The following CACNA2D3 variants were observed in gnomAD, a reference collection of about 807,000 sequenced individuals.
CACNA2D3 encodes calcium voltage-gated channel auxiliary subunit alpha2delta 3.
Under a neutral mutation model 160.6 loss-of-function variants are expected in CACNA2D3, and 60 were observed. That is an observed-to-expected ratio of 0.37 (90% confidence interval 0.30 to 0.46). The LOEUF is 0.46. Ranked by LOEUF, CACNA2D3 falls within the 20% of genes least tolerant of loss-of-function variation. CACNA2D3 has a pLI of 1.00. For synonymous variants in CACNA2D3, 558 were observed against 492.9 expected (o/e 1.13, Z -1.75); for missense variants, 1,205 against 1,365.0 (o/e 0.88, Z 1.85).
intron 11 of CACNA2D3, among the ~76,000 whole-genome samples, chr3:54,752,229 T>G (rs1185990807): frequency 6.6e-6 from 1 of 152,188 alleles, no homozygotes; most frequent in African/African-American, 2.4e-5. Context: ...AAGAGCACAC[T>G]CTGCATTTCC....
chr3:54,442,149 T>TA (rs1700155366), intron 4 of CACNA2D3, among the ~76,000 whole-genome samples: 1 of 152,146 alleles, frequency 6.6e-6, no homozygotes, highest in East Asian at 1.9e-4. Flanking sequence ...GTAGTGGCTA[T>TA]ATCTAGTGGT....
At chr3:54,818,990 G>C (rs895861211) in intron 14 of CACNA2D3, among the ~76,000 whole-genome samples, 5 of 152,082 alleles carry the variant, frequency 3.3e-5, no homozygotes, top group Non-Finnish European at 5.9e-5. Flanking sequence ...TAGATTGAAG[G>C]CATCCTCCCA....
chr3:54,197,487 T>C (rs1481840688), intron 2 of CACNA2D3: 1 of 152,276 alleles, frequency 6.6e-6, no homozygotes. Flanking sequence ...GGCATCTTTA[T>C]AGTAGCAGAA....
chr3:54,899,311 GGCTC>G (rs1700272259), intron 26 of CACNA2D3, among the ~76,000 whole-genome samples: 1 of 152,060 alleles, frequency 6.6e-6, no homozygotes, highest in Admixed American at 6.5e-5. Context: ...AGAAAAACTG[GGCTC>G]GAAATTACAA....
At chr3:54,976,056 TACACACACACACACACACACAC>T in intron 29 of CACNA2D3, among the ~76,000 whole-genome samples, 1 of 145,062 alleles carries the variant, frequency 6.9e-6, no homozygotes, top group Non-Finnish European at 1.5e-5. Context: ...TAGATATAGA[TACACACACACACACACACACAC>T]ACACACACAC....
intron 2 of CACNA2D3, among the ~76,000 whole-genome samples, chr3:54,216,941 C>T (rs1205427428): frequency 1.3e-5 from 2 of 152,134 alleles, no homozygotes; most frequent in East Asian, 1.9e-4. Context: ...TAAAGAAGAA[C>T]TAAGTAGAAC....
chr3:54,561,252 G>A (rs1293453442), intron 5 of CACNA2D3, among the ~76,000 whole-genome samples: 1 of 152,080 alleles, frequency 6.6e-6, no homozygotes, highest in Non-Finnish European at 1.5e-5. Context: ...TTATTGCTTG[G>A]AGCAGTGGTT....
intron 29 of CACNA2D3, among the ~76,000 whole-genome samples, chr3:54,982,804 TG>T (rs1257852352): frequency 1.3e-5 from 2 of 152,012 alleles, no homozygotes; most frequent in Non-Finnish European, 2.9e-5. Flanking sequence ...GACATTGCCG[TG>T]ACATTTCTAT....
chr3:55,033,832 A>T (rs1703748213), intron 35 of CACNA2D3, among the ~76,000 whole-genome samples: 1 of 117,072 alleles, frequency 8.5e-6, no homozygotes, highest in Non-Finnish European at 1.7e-5. Flanking sequence ...TATATTTAAT[A>T]TATAATATAT....
chr3:54,591,567 G>GTTTT (rs397755008), intron 9 of CACNA2D3, among the ~76,000 whole-genome samples: 2,145 of 121,288 alleles, frequency 0.018, 77 homozygotes, highest in African/African-American at 0.058. Context: ...GTTGAAAAAA[G>GTTTT]TTTTTTTTTT....
chr3:54,337,263 C>T (rs548533076), intron 3 of CACNA2D3, among the ~76,000 whole-genome samples: 1 of 152,312 alleles, frequency 6.6e-6, no homozygotes, highest in South Asian at 2.1e-4. Context: ...GTGCCTAAGA[C>T]ACATCTTTGC....
At chr3:54,232,231 G>T (rs1400395254) in intron 2 of CACNA2D3, among the ~76,000 whole-genome samples, 2 of 152,186 alleles carry the variant, frequency 1.3e-5, no homozygotes, top group African/African-American at 4.8e-5. Flanking sequence ...TATGCTCTCA[G>T]AATGGTTACT....
chr3:54,474,113 G>A (rs998270902), intron 4 of CACNA2D3, among the ~76,000 whole-genome samples: 3 of 152,146 alleles, frequency 2.0e-5, no homozygotes, highest in African/African-American at 4.8e-5. Flanking sequence ...GTTTATTGCA[G>A]CACTATTCAC....
At chr3:54,782,584 C>A (rs1300420315) in intron 13 of CACNA2D3, among the ~76,000 whole-genome samples, 1 of 152,022 alleles carries the variant, frequency 6.6e-6, no homozygotes, top group East Asian at 1.9e-4. Context: ...GCATGTGTTT[C>A]CCTTCCCAGC....
At chr3:54,234,609 A>G (rs761945089) in intron 2 of CACNA2D3, among the ~76,000 whole-genome samples, 7 of 152,242 alleles carry the variant, frequency 4.6e-5, no homozygotes, top group Non-Finnish European at 1.0e-4. Context: ...GAATTAACCT[A>G]CATGCCCATC....
chr3:54,895,455 A>G (rs1700166910), intron 25 of CACNA2D3, among the ~76,000 whole-genome samples: 1 of 152,172 alleles, frequency 6.6e-6, no homozygotes, highest in African/African-American at 2.4e-5. Context: ...CTCCTCTCCA[A>G]AAGTGGGCAC....
chr3:54,169,708 AGTGTGCAT>A lies in CACNA2D3; in HGVS notation c.204+46122_204+46129del, dbSNP rs528540824. On this transcript the variant is annotated intron_variant, in intron 2 of 37. Coordinates refer to ENST00000474759, the MANE Select transcript of CACNA2D3 (RefSeq NM_018398.3). ...GTATGTGTGTGCATGTGTGTGTGCA[AGTGTGCAT>A]GTGTGCAAGTGTGCGTGTGTGCGAG... Among the ~76,000 whole-genome samples, 50 of 150,646 alleles carry A rather than the reference AGTGTGCAT, an allele frequency of 3.3e-4. 2 individuals carry two copies. In the South Asian group the frequency reaches 5.5e-3, roughly 17 times the overall value.
chr3:54,781,983 A>T (rs951388226), intron 13 of CACNA2D3, among the ~76,000 whole-genome samples: 8 of 152,214 alleles, frequency 5.3e-5, no homozygotes, highest in African/African-American at 1.7e-4. Context: ...CAAAGTACTT[A>T]TTTGGGTGTT....
chr3:54,718,505 T>G (rs1022387768), intron 11 of CACNA2D3, among the ~76,000 whole-genome samples: 1 of 149,410 alleles, frequency 6.7e-6, no homozygotes, highest in Non-Finnish European at 1.5e-5. Flanking sequence ...AAAAATTAGG[T>G]TTTTTTTTTC....
Sources: allele counts gnomAD v4.1 joint callset (sites outside exome capture counted in the v4.1 genomes callset), GRCh38; gene constraint gnomAD v4.1.1; transcripts MANE v1.5; gene names NCBI Gene and HGNC (gene_info 2026-07-23, HGNC 2026-07-21).